Variants in HDX observed in about 807,000 individuals in gnomAD.
HDX encodes chromosome X open reading frame 43.
Under a neutral mutation model 45.2 loss-of-function variants are expected in HDX, and 19 were observed. That is an observed-to-expected ratio of 0.42 (90% CI 0.29 to 0.62). The LOEUF is 0.62. HDX is among the 20% of genes least tolerant of loss of function. HDX has a pLI of 0.20. For synonymous variants in HDX, 188 were observed against 172.8 expected (o/e 1.09, Z -0.69); for missense variants, 532 against 493.9 (o/e 1.08, Z -0.73).
chrX:84,330,762 C>T, intron 9 of HDX, among the ~76,000 whole-genome samples: 1 of 111,932 alleles, frequency 8.9e-6, no homozygotes, highest in South Asian at 3.7e-4. Context: ...TTCTCCTCCT[C>T]AGTATTTATG....
intron 5 of HDX, among the ~76,000 whole-genome samples, chrX:84,429,310 A>G (rs2039452187): frequency 9.0e-6 from 1 of 110,674 alleles, no homozygotes; most frequent in Non-Finnish European, 1.9e-5. Flanking sequence ...ATTTTGTCCC[A>G]TGGAAAAAAG....
In HDX at chrX:84,421,158, T is replaced by C. The variant is rs2039244286; in HGVS notation, c.1305+19374A>G. On this transcript the variant is annotated intron_variant, in intron 5 of 10. Coordinates refer to ENST00000373177, the MANE Select transcript of HDX (RefSeq NM_001177479.2). ...TATAACACTGTAACTGTCATGTGTA[T>C]ATTACTCTTTTCCTAAGTAGAAAGA... 2.7e-5 allele frequency among the ~76,000 whole-genome samples: 3 copies of C among 112,199 alleles called. No homozygotes were observed. In the Admixed American group the frequency reaches 2.8e-4, roughly 11 times the overall value.
At chrX:84,350,205 T>C (rs2037309662) in intron 6 of HDX, among the ~76,000 whole-genome samples, 1 of 111,633 alleles carries the variant, frequency 9.0e-6, no homozygotes, top group East Asian at 2.8e-4. Context: ...ACATATTCTG[T>C]ATGATTTAGA....
chrX:84,361,735 T>A (rs1216583857), intron 5 of HDX, 123 bp from the exon 6 acceptor site: 2 of 444,939 alleles, frequency 4.5e-6, no homozygotes, highest in African/African-American at 2.5e-5. Flanking sequence ...TATTTCACAA[T>A]TCTTATTCAG....
intron 5 of HDX, among the ~76,000 whole-genome samples, chrX:84,422,404 A>G (rs750047387): frequency 2.7e-4 from 30 of 111,257 alleles, no homozygotes; most frequent in Non-Finnish European, 1.1e-4. Flanking sequence ...ATAAGTGCCT[A>G]CATCAAGAAA....
chrX:84,439,294 G>A (rs149461090), intron 5 of HDX, among the ~76,000 whole-genome samples: 1,615 of 110,996 alleles, frequency 0.015, 26 homozygotes, highest in African/African-American at 0.051. Context: ...GTAGATTCCG[G>A]CTGTTAGACC....
At chrX:84,481,131 T>C (rs1296376146) in intron 2 of HDX, among the ~76,000 whole-genome samples, 1 of 111,585 alleles carries the variant, frequency 9.0e-6, no homozygotes, top group Non-Finnish European at 1.9e-5. Flanking sequence ...TGTTTATTAA[T>C]AGTTCATTGT....
intron 5 of HDX, among the ~76,000 whole-genome samples, chrX:84,374,807 G>A (rs1430473623): frequency 2.0e-5 from 2 of 101,588 alleles, no homozygotes; most frequent in African/African-American, 3.6e-5. Context: ...GAAAACCTAG[G>A]CATTACCATT....
intron 2 of HDX, among the ~76,000 whole-genome samples, chrX:84,476,237 G>A (rs1220060980): frequency 1.8e-5 from 2 of 111,137 alleles, no homozygotes. Context: ...AATTCTAGTA[G>A]TGCATTTCAT....
At chrX:84,415,520 G>T (rs1447574283) in intron 5 of HDX, among the ~76,000 whole-genome samples, 2 of 111,794 alleles carry the variant, frequency 1.8e-5, no homozygotes, top group Non-Finnish European at 3.8e-5. Context: ...CTGAGTCCCA[G>T]CTCAGCAGAT....
At chrX:84,354,240 A>G (rs746680014) in intron 6 of HDX, among the ~76,000 whole-genome samples, 1 of 111,949 alleles carries the variant, frequency 8.9e-6, no homozygotes, top group Non-Finnish European at 1.9e-5. Context: ...ACACCTATGT[A>G]TTAACACCAC....
intron 5 of HDX, among the ~76,000 whole-genome samples, chrX:84,378,732 G>A (rs1569305444): frequency 9.0e-6 from 1 of 110,990 alleles, no homozygotes; most frequent in Non-Finnish European, 1.9e-5. Context: ...AGGAATGAAA[G>A]GAAGAAAGGA....
chrX:84,463,300 A>G (rs2040278359), intron 4 of HDX, among the ~76,000 whole-genome samples: 1 of 111,493 alleles, frequency 9.0e-6, no homozygotes, highest in African/African-American at 3.3e-5. Context: ...ACTCAATCTT[A>G]CTGGCTCTCA....
intron 1 of HDX, among the ~76,000 whole-genome samples, chrX:84,494,677 A>C (rs1376363644): frequency 8.9e-6 from 1 of 111,964 alleles, no homozygotes; most frequent in African/African-American, 3.2e-5. Flanking sequence ...GACAATGAAA[A>C]TGTGAAAGCA....
chrX:84,326,265 C>T lies in HDX; in HGVS notation c.1860G>A (p.Glu620=), dbSNP rs755809651. ...EEVKFIENEL[E]IQKQKYFKLQ... ...GTTTAAAGTATTTTTGCTTTTGAAT[C>T]TCGAGCTCATTTTCAATGAATTTGA... Residue 620 remains glutamate, a synonymous_variant, in exon 10 of 11, where the codon GAG becomes GAA. Coordinates refer to ENST00000373177, the MANE Select transcript of HDX (RefSeq NM_001177479.2). 119 of 1,188,473 alleles carry T rather than the reference C, an allele frequency of 1.0e-4. 1 individual carries two copies. In the East Asian group the frequency reaches 3.5e-3, roughly 35 times the overall value.
intron 4 of HDX, among the ~76,000 whole-genome samples, chrX:84,460,388 T>C (rs1357816383): frequency 8.9e-6 from 1 of 112,109 alleles, no homozygotes; most frequent in African/African-American, 3.2e-5. Context: ...TGGTTAAACT[T>C]ATGCAAATTA....
intron 5 of HDX, among the ~76,000 whole-genome samples, chrX:84,389,766 C>T (rs1421215217): frequency 9.0e-6 from 1 of 110,882 alleles, no homozygotes; most frequent in Non-Finnish European, 1.9e-5. Context: ...TCTATTACTG[C>T]TCTCCACCGG....
rs1028906658 is a variant in HDX, at chrX:84,318,795, A to G, written c.*3094T>C. On this transcript the variant is annotated 3_prime_UTR_variant, in exon 11 of 11. Transcript: ENST00000373177. ...GCCTTTTCTTCTCCAACAATAACAAACATTTCTATCACATGCTTGCAATGG... is the reference window on the plus strand; with the variant it reads ...GCCTTTTCTTCTCCAACAATAACAAGCATTTCTATCACATGCTTGCAATGG... 3 of 110,992 alleles carry G rather than the reference A, an allele frequency of 2.7e-5. No homozygotes were observed. The highest frequency in any genetic ancestry group is 5.7e-5 in the Non-Finnish European group (3 of 52,494). 9.1% of individuals were successfully genotyped at this position (110,992 alleles called of 1,213,427 possible). A position where few individuals can be genotyped will look rare whatever the true frequency, so the allele number is the denominator to read the frequency against.
intron 4 of HDX, among the ~76,000 whole-genome samples, chrX:84,467,651 G>T (rs1602511546): frequency 9.4e-6 from 1 of 106,691 alleles, no homozygotes; most frequent in Non-Finnish European, 1.9e-5. Context: ...GAAAAGAAAA[G>T]AAAAGATAAG....
Sources: allele counts gnomAD v4.1 joint callset (sites outside exome capture counted in the v4.1 genomes callset), GRCh38; gene constraint gnomAD v4.1.1; transcripts MANE v1.5; gene names NCBI Gene and HGNC (gene_info 2026-07-23, HGNC 2026-07-21).